The following PTGFR variants were observed in gnomAD, a reference collection of about 807,000 sequenced individuals.
PTGFR encodes prostaglandin F2-alpha receptor.
A neutral mutation model predicts 26.2 loss-of-function variants in PTGFR; 15 were observed. The observed-to-expected ratio is 0.57, with a 90% CI of 0.38 to 0.88. The LOEUF is 0.88. PTGFR is among the 40% of genes least tolerant of loss of function. The pLI, the probability that PTGFR is intolerant of heterozygous loss-of-function variation, is 0.00. For synonymous variants in PTGFR, 165 were observed against 151.1 expected, an observed-to-expected ratio of 1.09 and a Z score of -0.68; for missense variants, 369 against 427.2, an observed-to-expected ratio of 0.86 and a Z score of 1.20.
intron 2 of PTGFR, among the ~76,000 whole-genome samples, chr1:78,511,826 T>C (rs1649977595): frequency 6.6e-6 from 1 of 152,200 alleles, no homozygotes; most frequent in Non-Finnish European, 1.5e-5. Context: ...TTCAAGTCAT[T>C]CCTTTGTCCC....
intron 2 of PTGFR, among the ~76,000 whole-genome samples, chr1:78,520,198 A>G (rs1191546174): frequency 6.6e-6 from 1 of 152,112 alleles, no homozygotes; most frequent in Non-Finnish European, 1.5e-5. Flanking sequence ...ACAACCAGAG[A>G]AATCTGAAAG....
chr1:78,501,331 A>G (rs1439789928), intron 2 of PTGFR, among the ~76,000 whole-genome samples: 1 of 152,220 alleles, frequency 6.6e-6, no homozygotes, highest in Non-Finnish European at 1.5e-5. Context: ...GAAGTCATGT[A>G]TAGCCACCCC....
At chr1:78,524,852 G>C (rs892144517) in intron 2 of PTGFR, among the ~76,000 whole-genome samples, 4 of 145,780 alleles carry the variant, frequency 2.7e-5, no homozygotes, top group Admixed American at 2.1e-4. Flanking sequence ...ATACCAATCA[G>C]AGGGAAATGT....
intron 2 of PTGFR, among the ~76,000 whole-genome samples, chr1:78,519,576 C>T (rs942798930): frequency 1.3e-5 from 2 of 151,990 alleles, no homozygotes; most frequent in Non-Finnish European, 2.9e-5. Context: ...CTACCATGGG[C>T]CTGTGCACAT....
In PTGFR at chr1:78,509,497, T is replaced by C. The variant is rs1021284103; in HGVS notation, c.798+15956T>C. On this transcript the variant is annotated intron_variant, in intron 2 of 2. Transcript: ENST00000370757. ...TGCTGTCTTGTTTCTTATTTCCTAG[T>C]ATAAAAATTTATTTCCAAATTTCAA... Among the ~76,000 whole-genome samples, 8 of 152,242 alleles carry C rather than the reference T, an allele frequency of 5.3e-5. No individual in the cohort carries two copies. The East Asian group carries it at 7.7e-4, about 15-fold the overall frequency.
chr1:78,535,089 C>T (rs1272797882), intron 2 of PTGFR, among the ~76,000 whole-genome samples: 2 of 152,122 alleles, frequency 1.3e-5, no homozygotes, highest in Non-Finnish European at 2.9e-5. Flanking sequence ...GGGCACTGGG[C>T]TCCCTCAGAA....
rs963894341 is a variant in PTGFR, at chr1:78,491,136, C to A, written c.-173C>A. ...CCGATCAGGATCTCCGCGCTGGGAT[C>A]GGTGGAACTTGAGGCAGCGGCGGCG... On this transcript the variant is annotated 5_prime_UTR_variant, in exon 1 of 3. Transcript: ENST00000370757. 2 of 152,296 alleles carry A rather than the reference C, an allele frequency of 1.3e-5. No individual in the cohort carries two copies. The highest frequency in any genetic ancestry group is 2.9e-5 in the Non-Finnish European group (2 of 68,116). 9.4% of individuals were successfully genotyped at this position (152,296 alleles called of 1,614,324 possible).
Position 78,539,088 on chromosome 1 carries a change from T to C in PTGFR, c.*2401T>C, listed in dbSNP as rs1048390518. On this transcript the variant is annotated 3_prime_UTR_variant, in exon 3 of 3. Transcript: ENST00000370757. ...AAGATAATGCTGATTCACAATTAGCTATGGGTAAGTCCAAAACATCAGACC... is the reference window on the plus strand; with the variant it reads ...AAGATAATGCTGATTCACAATTAGCCATGGGTAAGTCCAAAACATCAGACC... The C allele has an allele frequency of 6.6e-6, 1 of 151,714 alleles. No individual in the cohort carries two copies. The highest frequency in any genetic ancestry group is 1.5e-5 in the Non-Finnish European group (1 of 67,910). The allele number at this position is 151,714 out of a possible 1,614,324, so 9.4% of individuals were successfully genotyped here. A position where few individuals can be genotyped will look rare whatever the true frequency, so the allele number is the denominator to read the frequency against.
At chr1:78,522,342 T>C (rs1044159804) in intron 2 of PTGFR, among the ~76,000 whole-genome samples, 1 of 152,068 alleles carries the variant, frequency 6.6e-6, no homozygotes, top group Admixed American at 6.6e-5. Context: ...AATCTCACTA[T>C]CTTAAGGTCG....
Position 78,536,465 on chromosome 1 carries a change from A to C in PTGFR, c.858A>C (p.Thr286=), listed in dbSNP as rs1650656058. The C allele has an allele frequency of 6.2e-7, 1 of 1,613,078 alleles. No individual in the cohort carries two copies. The highest frequency in any genetic ancestry group is 1.3e-5 in the African/African-American group (1 of 74,890). ...GNHSLETCET[T]LFALRMATWN... is the part of the protein sequence containing the mutation. Reference sequence around the variant, plus strand: ...ATTCTCTGGAAACCTGTGAAACAACACTTTTTGCTCTCCGAATGGCAACAT... The same window carrying C: ...ATTCTCTGGAAACCTGTGAAACAACCCTTTTTGCTCTCCGAATGGCAACAT... The change falls in exon 3 of 3, where the codon ACA becomes ACC. Residue 286 remains threonine (T), a synonymous_variant. Transcript: ENST00000370757.
At chr1:78,532,169 G>T (rs1373308998) in intron 2 of PTGFR, 1 of 391,720 alleles carries the variant, frequency 2.6e-6, no homozygotes, top group Non-Finnish European at 4.9e-6. Context: ...ACTAGAGACT[G>T]GAAAACCACT....
chr1:78,536,641 C>T lies in PTGFR; in HGVS notation c.1034C>T (p.Ala345Val). 1 of 1,612,976 alleles carries T rather than the reference C, an allele frequency of 6.2e-7. No individual in the cohort carries two copies. The highest frequency in any genetic ancestry group is 8.5e-7 in the Non-Finnish European group (1 of 1,179,444). ...TCCATTAAAAATTCCTTAAAGGTTG[C>T]TGCTATTTCTGAGTCACCAGTTGCA... ...LSSIKNSLKV[A>V]AISESPVAEK... Residue 345 changes from alanine to valine, a missense_variant, in exon 3 of 3, where the codon GCT (alanine) becomes GTT (valine). By Grantham distance (64) the Ala-to-Val change is moderately conservative (BLOSUM62 0). Transcript: ENST00000370757.
intron 2 of PTGFR, among the ~76,000 whole-genome samples, chr1:78,518,567 GACACACAC>G (rs57447321): frequency 0.24 from 33,383 of 137,614 alleles, 3,723 homozygotes; most frequent in Middle Eastern, 0.33. Context: ...CAGTATAAAA[GACACACAC>G]ACACACACAC....
intron 2 of PTGFR, among the ~76,000 whole-genome samples, chr1:78,499,651 G>C (rs929280736): frequency 5.9e-5 from 9 of 152,150 alleles, no homozygotes; most frequent in African/African-American, 2.2e-4. Flanking sequence ...TCTGTGTTCA[G>C]GAGTTCCCTA....
intron 2 of PTGFR, among the ~76,000 whole-genome samples, chr1:78,518,605 CACACACACACACACAT>C (rs1157085023): frequency 9.1e-5 from 13 of 143,448 alleles, no homozygotes; most frequent in African/African-American, 1.1e-4. Context: ...CACACACACA[CACACACACACACACAT>C]ACGCATTTAT....
chr1:78,503,597 G>A (rs1649759791), intron 2 of PTGFR, among the ~76,000 whole-genome samples: 1 of 152,164 alleles, frequency 6.6e-6, no homozygotes, highest in African/African-American at 2.4e-5. Flanking sequence ...AAATATTCCT[G>A]AGACAAATTC....
At chr1:78,524,203 T>C (rs1251891073) in intron 2 of PTGFR, among the ~76,000 whole-genome samples, 1 of 152,034 alleles carries the variant, frequency 6.6e-6, no homozygotes, top group Non-Finnish European at 1.5e-5. Flanking sequence ...CCTTCCTCTT[T>C]AAACCCCCAT....
At chr1:78,533,050 T>C (rs958106965) in intron 2 of PTGFR, among the ~76,000 whole-genome samples, 1 of 152,134 alleles carries the variant, frequency 6.6e-6, no homozygotes, top group African/African-American at 2.4e-5. Context: ...ATAGAGTTAG[T>C]TTATTTCTGT....
Position 78,536,951 on chromosome 1 carries a change from G to C in PTGFR, c.*264G>C. 1 of 424,274 alleles carries C rather than the reference G, an allele frequency of 2.4e-6. No homozygotes were observed. Among genetic ancestry groups the C allele is most frequent in the Non-Finnish European group, 4.2e-6 (1 of 238,342 alleles). 26.3% of individuals were successfully genotyped at this position (424,274 alleles called of 1,614,324 possible). On this transcript the variant is annotated 3_prime_UTR_variant, in exon 3 of 3. Coordinates refer to ENST00000370757, the MANE Select transcript of PTGFR (RefSeq NM_000959.4). The stretch of plus-strand genomic sequence containing the variant: ...ACTGAAAGCAATTTTGAGCTTATCT[G>C]TCTTATTTATGCTTTGAGTGAATCA...
Sources: gnomAD v4.1 joint callset for allele counts (sites outside exome capture counted in the v4.1 genomes callset) on GRCh38, gnomAD v4.1.1 for gene constraint, MANE v1.5 for transcripts, NCBI Gene and HGNC (gene_info 2026-07-23, HGNC 2026-07-21) for gene names.